Variants in SCARB2 observed in about 807,000 individuals in gnomAD.
SCARB2 encodes the protein lysosome membrane protein 2.
Under a neutral mutation model 58.6 loss-of-function variants are expected in SCARB2, and 29 were observed. The observed-to-expected ratio is 0.49, with a 90% confidence interval of 0.37 to 0.67. The LOEUF is 0.67. Ranked by LOEUF, SCARB2 falls within the 30% of genes least tolerant of loss-of-function variation. The pLI is 0.00. For synonymous variants in SCARB2, 195 were observed against 210.1 expected (o/e 0.93, Z 0.62); for missense variants, 488 against 578.5 (o/e 0.84, Z 1.60).
intron 1 of SCARB2, among the ~76,000 whole-genome samples, chr4:76,221,861 A>T (rs538970461): frequency 6.6e-6 from 1 of 152,342 alleles, no homozygotes; most frequent in Non-Finnish European, 1.5e-5. Context: ...AGCGACACCC[A>T]GTTTACCTGT....
intron 1 of SCARB2, among the ~76,000 whole-genome samples, chr4:76,232,131 C>T (rs964509978): frequency 1.3e-5 from 2 of 152,194 alleles, no homozygotes; most frequent in Admixed American, 6.5e-5. Flanking sequence ...CAGAAGTATA[C>T]CTTGCTTAAT....
chr4:76,168,510 GATTT>G (rs764918663), intron 8 of SCARB2, 34 bp from the exon 9 acceptor site: 3 of 1,586,854 alleles, frequency 1.9e-6, no homozygotes, highest in South Asian at 1.1e-5. Flanking sequence ...GAAACATTAG[GATTT>G]ATTAAACTGC....
chr4:76,165,189 T>A (rs1164505104), intron 10 of SCARB2: 2 of 152,154 alleles, frequency 1.3e-5, no homozygotes, highest in East Asian at 3.8e-4. Flanking sequence ...ACATGGATGA[T>A]CAGGAGCAAT....
At chr4:76,211,370 T>A (rs1185867544) in intron 1 of SCARB2, among the ~76,000 whole-genome samples, 1 of 152,240 alleles carries the variant, frequency 6.6e-6, no homozygotes, top group Non-Finnish European at 1.5e-5. Context: ...TTATTTGACG[T>A]AAGTCATAAA....
At chr4:76,198,740 TG>T (rs990118355) in intron 1 of SCARB2, among the ~76,000 whole-genome samples, 2 of 152,198 alleles carry the variant, frequency 1.3e-5, no homozygotes, top group African/African-American at 4.8e-5. Flanking sequence ...TGGCTTTTCC[TG>T]CTGCTTTCAT....
rs1434072409 is a variant in SCARB2 at position 76,160,871 on chromosome 4, A to G, written c.*842T>C. Reference sequence around the variant, plus strand: ...GGAAGAAAAATCAGTTACTCATTACATTCTCTCAGAAGCATCTTTTCGTAG... The same window carrying G: ...GGAAGAAAAATCAGTTACTCATTACGTTCTCTCAGAAGCATCTTTTCGTAG... On this transcript the variant is annotated 3_prime_UTR_variant, in exon 12 of 12. Transcript: ENST00000264896. The G allele has an allele frequency of 6.6e-6, 1 of 152,182 alleles. No individual in the cohort carries two copies. The highest frequency in any genetic ancestry group is 1.5e-5 in the Non-Finnish European group (1 of 68,024). The allele number at this position is 152,182 out of a possible 1,614,324, so 9.4% of individuals were successfully genotyped here. A position where few individuals can be genotyped will look rare whatever the true frequency, so the allele number is the denominator to read the frequency against.
At chr4:76,183,182 C>T (rs140611559) in intron 2 of SCARB2, among the ~76,000 whole-genome samples, 12 of 152,292 alleles carry the variant, frequency 7.9e-5, no homozygotes, top group Admixed American at 1.3e-4. Context: ...ACACAGAAGA[C>T]TTCTAAGACT....
At chr4:76,231,866 A>C (rs564253215) in intron 1 of SCARB2, among the ~76,000 whole-genome samples, 2 of 152,350 alleles carry the variant, frequency 1.3e-5, no homozygotes, top group East Asian at 3.8e-4. Flanking sequence ...CAAGGGTATG[A>C]GGCCAGTTTC....
Position 76,213,413 on chromosome 4 carries a change from C to T in SCARB2, c.117+14G>A, listed in dbSNP as rs772998739. The stretch of plus-strand genomic sequence containing the variant: ...GACGACTCCACAACACACACACAGC[C>T]CGCCCCGCCTCACCTTCTCGATACT... On this transcript the variant is annotated intron_variant, in intron 1 of 11. Coordinates refer to ENST00000264896, the MANE Select transcript of SCARB2 (RefSeq NM_005506.4). The T allele has an allele frequency of 9.5e-6, 15 of 1,574,356 alleles. No homozygotes were observed. Among genetic ancestry groups the T allele is most frequent in the Non-Finnish European group, 1.2e-5 (14 of 1,148,400 alleles).
chr4:76,213,964 C>A (rs1733141933), upstream of SCARB2: 1 of 175,810 alleles, frequency 5.7e-6, no homozygotes, highest in African/African-American at 2.4e-5. Flanking sequence ...GTGATTCGGC[C>A]CGCGCCCTCC....
At position 76,161,768 on chromosome 4, in the gene SCARB2, A is replaced by T; in HGVS notation, c.1399-17T>A. 1 of 1,614,058 alleles carries T rather than the reference A, an allele frequency of 6.2e-7. No homozygotes were observed. Among genetic ancestry groups the T allele is most frequent in the South Asian group, 1.1e-5 (1 of 91,078 alleles). ...CGCTGTTCCCTGAAACACAGAAGAG[A>T]GAAAACAAGTTAGATGTTCATGTCA... On this transcript the variant is annotated splice_polypyrimidine_tract_variant and intron_variant, in intron 11 of 11. Transcript: ENST00000264896.
At chr4:76,192,540 G>A (rs1464920892) in intron 2 of SCARB2, 2 of 152,076 alleles carry the variant, frequency 1.3e-5, no homozygotes, top group Admixed American at 6.5e-5. Flanking sequence ...CTCAGATGTG[G>A]GAGTAAAAAA....
chr4:76,180,854 ATAACT>A, intron 3 of SCARB2, 95 bp downstream of exon 3: 1 of 1,023,792 alleles, frequency 9.8e-7, no homozygotes, highest in Non-Finnish European at 1.4e-6. Flanking sequence ...ATATTTCAAC[ATAACT>A]TAATGGCTCC....
chr4:76,224,043 G>A (rs1733352868), intron 1 of SCARB2, among the ~76,000 whole-genome samples: 4 of 152,152 alleles, frequency 2.6e-5, no homozygotes, highest in Admixed American at 2.6e-4. Context: ...AAACACAGAA[G>A]GGAAAGACAA....
At chr4:76,202,147 T>C (rs1026128057) in intron 1 of SCARB2, among the ~76,000 whole-genome samples, 1 of 152,326 alleles carries the variant, frequency 6.6e-6, no homozygotes, top group South Asian at 2.1e-4. Flanking sequence ...TTAGAAGAGA[T>C]GTTTAAAGTA....
chr4:76,195,597 A>G (rs1732694513), intron 2 of SCARB2, 110 bp downstream of exon 2: 9 of 895,358 alleles, frequency 1.0e-5, no homozygotes, highest in Non-Finnish European at 1.7e-5. Context: ...GAAATCAGAA[A>G]GTGTGCTCCC....
chr4:76,198,823 C>T (rs1329623654), intron 1 of SCARB2, among the ~76,000 whole-genome samples: 3 of 148,272 alleles, frequency 2.0e-5, no homozygotes, highest in African/African-American at 2.6e-5. Context: ...GAGTAGATCA[C>T]GTGCTGGAGA....
intron 1 of SCARB2, among the ~76,000 whole-genome samples, chr4:76,196,223 C>T (rs544602043): frequency 6.6e-6 from 1 of 152,248 alleles, no homozygotes; most frequent in East Asian, 1.9e-4. Flanking sequence ...TGTGGTGGTG[C>T]GTGCCTGTAA....
At chr4:76,164,986 C>T (rs918591216) in intron 10 of SCARB2, 2 of 152,122 alleles carry the variant, frequency 1.3e-5, no homozygotes, top group African/African-American at 2.4e-5. Context: ...AATAATCACG[C>T]TCTTCCTAGG....
Sources: allele counts gnomAD v4.1 joint callset (sites outside exome capture counted in the v4.1 genomes callset), GRCh38; gene constraint gnomAD v4.1.1; transcripts MANE v1.5; gene names NCBI Gene and HGNC (gene_info 2026-07-23, HGNC 2026-07-21).